Variants in PTPRD observed in about 807,000 individuals in gnomAD.
PTPRD encodes receptor-type tyrosine-protein phosphatase delta.
Under a neutral mutation model 214.5 loss-of-function variants are expected in PTPRD, and 34 were observed. The ratio of observed to expected loss-of-function variants is 0.16; its 90% confidence interval spans 0.12 to 0.21. PTPRD has a LOEUF of 0.21. Among genes scored for constraint, PTPRD ranks in the 10% least tolerant of loss-of-function variants. PTPRD has a pLI of 1.00. For synonymous variants in PTPRD, 1,128 were observed against 845.7 expected (o/e 1.33, Z -5.79); for missense variants, 2,545 against 2,398.7 (o/e 1.06, Z -1.27).
At chr9:9,380,344 A>G (rs2061853355) in intron 9 of PTPRD, among the ~76,000 whole-genome samples, 2 of 152,082 alleles carry the variant, frequency 1.3e-5, no homozygotes, top group South Asian at 4.1e-4. Context: ...TATTTAGAAG[A>G]ATGCAATTTA....
Position 10,060,897 on chromosome 9 carries a change from C to CTTCTTTCT in PTPRD, c.-544-27115_-544-27108dup, listed in dbSNP as rs369686972. Among the ~76,000 whole-genome samples, 243 of 70,572 alleles carry CTTCTTTCT rather than the reference C, an allele frequency of 3.4e-3. 9 individuals carry two copies. The highest frequency in any genetic ancestry group is 5.8e-3 in the Admixed American group (42 of 7,204). The allele number at this position is 70,572 out of a possible 152,430, so 46.3% of individuals were successfully genotyped here. A position where few individuals can be genotyped will look rare whatever the true frequency, so the allele number is the denominator to read the frequency against. On this transcript the variant is annotated intron_variant, in intron 3 of 45. Transcript: ENST00000381196. ...CCTTCCTTCCTTCCTTCCTTCCTTC[C>CTTCTTTCT]TTCTTTCTTTCTTTCTTTCTTTCTT...
At chr9:10,060,351 A>G (rs1704030) in intron 3 of PTPRD, among the ~76,000 whole-genome samples, 25,142 of 152,012 alleles carry the variant, frequency 0.17, 4,662 homozygotes, top group African/African-American at 0.46. Context: ...TCACTCAGAT[A>G]CATTGTCCCA....
At chr9:10,022,628 A>C (rs1401911815) in intron 4 of PTPRD, among the ~76,000 whole-genome samples, 2 of 152,242 alleles carry the variant, frequency 1.3e-5, no homozygotes, top group Admixed American at 1.3e-4. Flanking sequence ...CACAATTTTT[A>C]CACAGTGAGT....
intron 9 of PTPRD, among the ~76,000 whole-genome samples, chr9:9,199,497 C>T (rs1173175842): frequency 2.6e-5 from 4 of 151,856 alleles, no homozygotes; most frequent in South Asian, 2.1e-4. Flanking sequence ...TGCTATGAAG[C>T]GCTAATGAGA....
At chr9:8,768,056 A>T (rs2094898659) in intron 11 of PTPRD, among the ~76,000 whole-genome samples, 1 of 152,218 alleles carries the variant, frequency 6.6e-6, no homozygotes, top group Non-Finnish European at 1.5e-5. Context: ...TAGGGTCTGG[A>T]AGAACAAAGA....
chr9:9,589,298 A>G (rs1157819932), intron 7 of PTPRD, among the ~76,000 whole-genome samples: 2 of 151,932 alleles, frequency 1.3e-5, no homozygotes, highest in African/African-American at 2.4e-5. Flanking sequence ...TACATAGAAA[A>G]TTTAGATGTT....
intron 35 of PTPRD, among the ~76,000 whole-genome samples, chr9:8,430,728 G>A (rs1267665293): frequency 1.3e-5 from 2 of 152,110 alleles, no homozygotes; most frequent in African/African-American, 4.8e-5. Context: ...CACTGACTAT[G>A]AGACTACCAG....
rs556982610 is a variant in PTPRD at position 8,383,251 on chromosome 9, T to TCTTTGTGAG, written c.4386+5980_4386+5981insCTCACAAAG. Among the ~76,000 whole-genome samples, 5 of 152,280 alleles carry TCTTTGTGAG rather than the reference T, an allele frequency of 3.3e-5. No individual in the cohort carries two copies. In the South Asian group the frequency reaches 1.0e-3, roughly 32 times the overall value. On this transcript the variant is annotated intron_variant, in intron 37 of 45. Coordinates refer to ENST00000381196, the MANE Select transcript of PTPRD (RefSeq NM_002839.4). ...AAATGTGAATGTCTCCACCTCACCT[T>TCTTTGTGAG]CACTTTGTGCTAGGGTAAGTTTACT...
chr9:8,627,656 G>A (rs1215543502), intron 14 of PTPRD, among the ~76,000 whole-genome samples: 1 of 151,792 alleles, frequency 6.6e-6, no homozygotes, highest in African/African-American at 2.4e-5. Flanking sequence ...GAAGGAGCAT[G>A]CATCACCAAC....
intron 24 of PTPRD, 88 bp downstream of exon 24, chr9:8,500,666 A>G: frequency 7.4e-7 from 1 of 1,353,124 alleles, no homozygotes; most frequent in East Asian, 2.4e-5. Context: ...AGATGAGCAG[A>G]GAAAAAAGAT....
At chr9:8,367,159 T>C (rs538965801) in intron 39 of PTPRD, among the ~76,000 whole-genome samples, 1 of 152,320 alleles carries the variant, frequency 6.6e-6, no homozygotes, top group South Asian at 2.1e-4. Context: ...CTTTAAAAGG[T>C]TATAATTAAA....
At chr9:9,897,576 T>C (rs1787815340) in intron 5 of PTPRD, among the ~76,000 whole-genome samples, 1 of 152,054 alleles carries the variant, frequency 6.6e-6, no homozygotes, top group African/African-American at 2.4e-5. Context: ...CATAGGAGTA[T>C]CCTTGTACTT....
At chr9:9,661,976 AT>A (rs2096630581) in intron 7 of PTPRD, among the ~76,000 whole-genome samples, 1 of 151,724 alleles carries the variant, frequency 6.6e-6, no homozygotes, top group South Asian at 2.1e-4. Flanking sequence ...CTTAACCTTA[AT>A]TTGCAATATA....
chr9:8,529,588 A>G lies in PTPRD; in HGVS notation c.353-809T>C, dbSNP rs140775790. Among the ~76,000 whole-genome samples the G allele has an allele frequency of 4.6e-5, 7 of 152,252 alleles. No individual in the cohort carries two copies. The East Asian group carries it at 9.7e-4, about 21-fold the overall frequency. ...ACTCATGCAAAATTCACTTTTTGCTACCCACATCGAAACTGTTCCAGATCC... is the reference window on the plus strand; with the variant it reads ...ACTCATGCAAAATTCACTTTTTGCTGCCCACATCGAAACTGTTCCAGATCC... On this transcript the variant is annotated intron_variant, in intron 14 of 45. Coordinates refer to ENST00000381196, the MANE Select transcript of PTPRD (RefSeq NM_002839.4).
intron 3 of PTPRD, among the ~76,000 whole-genome samples, chr9:10,082,840 A>ACACACACAAACAC (rs1555566891): frequency 7.8e-6 from 1 of 128,232 alleles, no homozygotes; most frequent in Non-Finnish European, 1.7e-5. Flanking sequence ...CACACACACA[A>ACACACACAAACAC]ACACACACAC....
intron 9 of PTPRD, among the ~76,000 whole-genome samples, chr9:9,231,066 G>A (rs574582083): frequency 2.4e-4 from 37 of 151,984 alleles, no homozygotes; most frequent in African/African-American, 8.7e-4. Flanking sequence ...GGGGAGGGGG[G>A]AATGGGTGTT....
At chr9:9,600,122 G>A (rs746464343) in intron 7 of PTPRD, among the ~76,000 whole-genome samples, 2 of 151,936 alleles carry the variant, frequency 1.3e-5, no homozygotes, top group East Asian at 3.9e-4. Context: ...GGTATACACC[G>A]ACTAATAATT....
At chr9:8,698,662 C>A (rs1455568093) in intron 12 of PTPRD, among the ~76,000 whole-genome samples, 1 of 152,156 alleles carries the variant, frequency 6.6e-6, no homozygotes, top group Non-Finnish European at 1.5e-5. Context: ...TGAGGGGATT[C>A]TACACCTGCC....
chr9:10,090,428 T>A (rs900420071), intron 3 of PTPRD, among the ~76,000 whole-genome samples: 2 of 151,388 alleles, frequency 1.3e-5, no homozygotes, highest in Non-Finnish European at 3.0e-5. Flanking sequence ...TCATGGCAAT[T>A]CTTAAAGGGC....
Sources: gnomAD v4.1 joint callset for allele counts (sites outside exome capture counted in the v4.1 genomes callset) on GRCh38, gnomAD v4.1.1 for gene constraint, MANE v1.5 for transcripts, NCBI Gene and HGNC (gene_info 2026-07-23, HGNC 2026-07-21) for gene names.